The following FAM83G variants were observed in gnomAD, a reference collection of about 807,000 sequenced individuals.
FAM83G encodes scaffolding CK1 anchoring protein G, also known as protein FAM83G.
FAM83G carries 38 observed loss-of-function variants against 61.5 expected under a neutral mutation model. The observed-to-expected ratio is 0.62, with a 90% CI of 0.48 to 0.81. The LOEUF (loss-of-function observed/expected upper bound fraction) is 0.81, where lower values mean the gene tolerates loss of function less well. Among genes scored for constraint, FAM83G ranks in the 30% least tolerant of loss-of-function variants. The pLI is 0.00. For missense variants in FAM83G, 989 were observed against 1,133.6 expected (o/e 0.87, Z 1.83); for synonymous variants, 470 against 476.1 (o/e 0.99, Z 0.17).
intron 2 of FAM83G, among the ~76,000 whole-genome samples, chr17:18,992,477 C>G (rs1335985408): frequency 6.6e-6 from 1 of 152,222 alleles, no homozygotes; most frequent in African/African-American, 2.4e-5. Flanking sequence ...GCCACTGCCC[C>G]CCAGCAGACA....
intron 2 of FAM83G, among the ~76,000 whole-genome samples, chr17:18,995,198 G>A (rs28810084): frequency 0.11 from 17,207 of 152,080 alleles, 994 homozygotes; most frequent in South Asian, 0.15. Context: ...ACCAAAAACC[G>A]ACACAGATGT....
intron 2 of FAM83G, among the ~76,000 whole-genome samples, chr17:18,999,989 T>A (rs781668110): frequency 2.0e-5 from 3 of 152,188 alleles, no homozygotes; most frequent in Non-Finnish European, 4.4e-5. Context: ...AGCTAGAACA[T>A]CTACATCCAG....
rs959679416 is a variant in FAM83G, at chr17:18,999,283, G to GAA, written c.522+4235_522+4236dup. On this transcript the variant is annotated intron_variant, in intron 2 of 5. Coordinates refer to ENST00000388995, the MANE Select transcript of FAM83G (RefSeq NM_001039999.3). ...ACAGAGCAAGACTTTGTCTCAAGAA[G>GAA]AAAAAAAAAAAAAGAAAATGCTTTT... is the stretch of plus-strand genomic sequence containing the variant. Among the ~76,000 whole-genome samples the GAA allele has an allele frequency of 3.3e-3, 449 of 136,274 alleles. 1 individual carries two copies. The highest frequency in any genetic ancestry group is 0.011 in the African/African-American group (423 of 37,094). 89.4% of individuals were successfully genotyped at this position (136,274 alleles called of 152,430 possible).
intron 2 of FAM83G, among the ~76,000 whole-genome samples, chr17:18,997,819 G>C (rs980015344): frequency 1.3e-5 from 2 of 152,206 alleles, no homozygotes; most frequent in African/African-American, 4.8e-5. Flanking sequence ...GAGGAGGCGA[G>C]GGGAGAGATC....
At chr17:18,985,211 C>T (rs1255211138) in intron 3 of FAM83G, among the ~76,000 whole-genome samples, 1 of 152,214 alleles carries the variant, frequency 6.6e-6, no homozygotes, top group Non-Finnish European at 1.5e-5. Context: ...ACCGAAGGCC[C>T]ACCGCACAAA....
At chr17:18,989,430 G>C (rs2043354116) in intron 2 of FAM83G, among the ~76,000 whole-genome samples, 1 of 149,290 alleles carries the variant, frequency 6.7e-6, no homozygotes, top group Non-Finnish European at 1.5e-5. Flanking sequence ...GCCCATCTGG[G>C]CTCCTCCTGG....
At chr17:18,976,860 G>C in intron 5 of FAM83G, 1 of 1,613,308 alleles carries the variant, frequency 6.2e-7, no homozygotes. Flanking sequence ...CCAGGTCATC[G>C]TGCAGCGATC....
chr17:18,993,626 A>G (rs1159325122), intron 2 of FAM83G, among the ~76,000 whole-genome samples: 1 of 152,248 alleles, frequency 6.6e-6, no homozygotes, highest in Non-Finnish European at 1.5e-5. Flanking sequence ...AAGCAGCCAC[A>G]GACACTGCAC....
chr17:18,979,478 G>C, intron 4 of FAM83G, 71 bp downstream of exon 4: 1 of 1,575,542 alleles, frequency 6.3e-7, no homozygotes, highest in East Asian at 2.3e-5. Flanking sequence ...CCAGGGTTAG[G>C]ATTAAGGGCA....
At chr17:18,980,042 G>C (rs1303680201) in intron 3 of FAM83G, among the ~76,000 whole-genome samples, 1 of 152,182 alleles carries the variant, frequency 6.6e-6, no homozygotes, top group Non-Finnish European at 1.5e-5. Context: ...GTCCTGAGCG[G>C]GAGGGTGATG....
rs2043713259 is a variant in FAM83G at position 19,000,863 on chromosome 17, A to G, written c.522+2657T>C. ...CAGGCAGACAAAGCGCCCCGTCAGC[A>G]TCCGTCAGTGTCCGGGCCCTGCCCC... is the stretch of plus-strand genomic sequence containing the variant. On this transcript the variant is annotated intron_variant, in intron 2 of 5. Coordinates refer to ENST00000388995, the MANE Select transcript of FAM83G (RefSeq NM_001039999.3). This position sits in a 1 kb window ranked among gnomAD's most constrained non-coding sequence, Gnocchi z 5.2. 1.3e-5 allele frequency among the ~76,000 whole-genome samples: 2 copies of G among 152,142 alleles called. No homozygotes were observed. The highest frequency in any genetic ancestry group is 3.9e-4 in the East Asian group (2 of 5,184).
At chr17:18,980,267 T>G (rs2043096542) in intron 3 of FAM83G, among the ~76,000 whole-genome samples, 1 of 151,996 alleles carries the variant, frequency 6.6e-6, no homozygotes, top group Non-Finnish European at 1.5e-5. Context: ...AGCAAACCTT[T>G]CTCCTTCCCC....
At position 18,971,576 on chromosome 17, in the gene FAM83G, G is replaced by T. The variant is rs1416006247; in HGVS notation, c.2255C>A (p.Pro752His). The change falls in exon 6 of 6, where the codon CCC becomes CAC. Residue 752 changes from proline to histidine, a missense_variant. Physicochemically the swap from Pro to His is moderately conservative, Grantham distance 77. Coordinates refer to ENST00000388995, the MANE Select transcript of FAM83G (RefSeq NM_001039999.3). This position sits in a 1 kb window ranked among gnomAD's most constrained non-coding sequence, Gnocchi z 5.5. ...HHWQAKGGQV[P>H]RLLPDPGSPR... is the part of the protein sequence containing the mutation. ...GCTGCCGGGATCCGGAAGCAGGCGGGGTACCTGACCTCCCTTGGCCTGCCA... is the reference window on the plus strand; with the variant it reads ...GCTGCCGGGATCCGGAAGCAGGCGGTGTACCTGACCTCCCTTGGCCTGCCA... The T allele has an allele frequency of 3.1e-6, 5 of 1,613,684 alleles. No individual in the cohort carries two copies. The highest frequency in any genetic ancestry group is 4.2e-6 in the Non-Finnish European group (5 of 1,180,006).
At position 18,980,007 on chromosome 17, in the gene FAM83G, C is replaced by T. The variant is rs570574791; in HGVS notation, c.691-334G>A. ...AGCCAGCCAGCTTGGGAAATGCTGC[C>T]GTGGGTGGTGGATGCTATGGTGGGG... On this transcript the variant is annotated intron_variant, in intron 3 of 5. Transcript: ENST00000388995. Among the ~76,000 whole-genome samples the T allele has an allele frequency of 2.0e-5, 3 of 152,190 alleles. No homozygotes were observed. In the South Asian group the frequency reaches 6.2e-4, roughly 32 times the overall value.
chr17:18,973,884 GTTTTT>G (rs35778801), intron 5 of FAM83G, among the ~76,000 whole-genome samples: 45 of 95,728 alleles, frequency 4.7e-4, no homozygotes, highest in Non-Finnish European at 7.0e-4. Flanking sequence ...TTTTTTTTAA[GTTTTT>G]TTTTTTTTTT....
chr17:18,976,529 C>T (rs2042984479), intron 5 of FAM83G: 1 of 331,368 alleles, frequency 3.0e-6, no homozygotes. Context: ...TGTCCCCATA[C>T]CACCCCACCC....
chr17:19,005,806 C>T (rs2043870604), upstream of FAM83G, among the ~76,000 whole-genome samples: 1 of 152,186 alleles, frequency 6.6e-6, no homozygotes, highest in African/African-American at 2.4e-5. Flanking sequence ...TGCCATATAG[C>T]CCCCCAAGGG....
Position 19,003,444 on chromosome 17 carries a change from C to A in FAM83G, c.522+76G>T. 3 of 1,428,650 alleles carry A rather than the reference C, an allele frequency of 2.1e-6. No individual in the cohort carries two copies. Among genetic ancestry groups the A allele is most frequent in the Non-Finnish European group, 2.8e-6 (3 of 1,085,388 alleles). 88.5% of individuals were successfully genotyped at this position (1,428,650 alleles called of 1,614,324 possible). A position where few individuals can be genotyped will look rare whatever the true frequency, so the allele number is the denominator to read the frequency against. ...GCCCATGTTGGGCTCCCGTTTTGGG[C>A]TCTGAGTGAGCCTGTATTGAGAGGG... On this transcript the variant is annotated intron_variant, in intron 2 of 5. Transcript: ENST00000388995. The surrounding 1 kb of genome is among the most constrained non-coding windows in gnomAD (Gnocchi z 4.5).
At chr17:18,997,603 A>G (rs557404862) in intron 2 of FAM83G, among the ~76,000 whole-genome samples, 69 of 152,374 alleles carry the variant, frequency 4.5e-4, no homozygotes, top group African/African-American at 1.6e-3. Context: ...AATGCCCCAG[A>G]AAGCCTGGCT....
Sources: allele counts gnomAD v4.1 joint callset (sites outside exome capture counted in the v4.1 genomes callset), GRCh38; gene constraint gnomAD v4.1.1; non-coding constraint Gnocchi (gnomAD v3.1); transcripts MANE v1.5; gene names NCBI Gene and HGNC (gene_info 2026-07-23, HGNC 2026-07-21).